Variants in HDAC5 observed in about 807,000 individuals in gnomAD.
The protein encoded by HDAC5 is antigen NY-CO-9.
In HDAC5, 25 loss-of-function variants were observed where a neutral mutation model predicts 133.3. The ratio of observed to expected loss-of-function variants is 0.19; its 90% CI spans 0.14 to 0.26. The LOEUF (loss-of-function observed/expected upper bound fraction) is 0.26, where lower values mean the gene tolerates loss of function less well. Among genes scored for constraint, HDAC5 ranks in the 10% least tolerant of loss-of-function variants. HDAC5 has a pLI of 1.00. For synonymous variants in HDAC5, 589 were observed against 610.8 expected, an observed-to-expected ratio of 0.96 and a Z score of 0.53; for missense variants, 1,041 against 1,460.5, an observed-to-expected ratio of 0.71 and a Z score of 4.68.
intron 3 of HDAC5, among the ~76,000 whole-genome samples, chr17:44,107,801 A>G (rs1346203994): frequency 6.6e-6 from 1 of 151,976 alleles, no homozygotes; most frequent in Non-Finnish European, 1.5e-5. Context: ...CTAAGACCAA[A>G]CCTGGACCCC....
intron 2 of HDAC5, 23 bp from the exon 3 acceptor site, chr17:44,110,823 C>G: frequency 6.2e-7 from 1 of 1,601,432 alleles, no homozygotes; most frequent in Non-Finnish European, 8.5e-7. Flanking sequence ...AGGATTCTGT[C>G]TCATAGATGG....
At chr17:44,115,308 C>A (rs1481614153) in intron 2 of HDAC5, among the ~76,000 whole-genome samples, 2 of 152,236 alleles carry the variant, frequency 1.3e-5, no homozygotes, top group Non-Finnish European at 2.9e-5. Flanking sequence ...CTGCAGCAGA[C>A]CCTGGGGACT....
rs869274112 is a variant in HDAC5, at chr17:44,100,578, CAAAAAAA to C, written c.95-6751_95-6745del. Among the ~76,000 whole-genome samples, 813 of 89,372 alleles carry C rather than the reference CAAAAAAA, an allele frequency of 9.1e-3. 13 individuals are homozygous for C. Among genetic ancestry groups the C allele is most frequent in the African/African-American group, 0.034 (722 of 20,930 alleles). The allele number at this position is 89,372 out of a possible 152,430, so 58.6% of individuals were successfully genotyped here. On this transcript the variant is annotated intron_variant, in intron 3 of 26. Coordinates refer to ENST00000682912, the MANE Select transcript of HDAC5 (RefSeq NM_005474.5). Reference sequence around the variant, plus strand: ...TGAAACCCCGTCTCTACTAAAGATACAAAAAAAAAAAAAAAAAAAAAAATTAGCTGGG... The same window carrying C: ...TGAAACCCCGTCTCTACTAAAGATACAAAAAAAAAAAAAAAATTAGCTGGG...
At position 44,092,735 on chromosome 17, in the gene HDAC5, T is replaced by C. The variant is rs776155100; in HGVS notation, c.713A>G (p.Tyr238Cys). ...GTAGGGCCCAGGCAAAGGCAGTTTG[T>C]AGGAGGGAGGCGTCCCAGGGGGGCC... is the stretch of plus-strand genomic sequence containing the variant. Reference protein sequence around the residue: ...QSGPPGTPPSYKLPLPGPYDS... With the variant: ...QSGPPGTPPSCKLPLPGPYDS... The change falls in exon 7 of 27, where the codon TAC (tyrosine) becomes TGC (cysteine). Residue 238 changes from tyrosine (Y) to cysteine (C), a missense_variant. Coordinates refer to ENST00000682912, the MANE Select transcript of HDAC5 (RefSeq NM_005474.5). The C allele has an allele frequency of 7.1e-7, 1 of 1,404,674 alleles. No individual in the cohort carries two copies. The highest frequency in any genetic ancestry group is 1.5e-5 in the South Asian group (1 of 65,682). 87.0% of individuals were successfully genotyped at this position (1,404,674 alleles called of 1,614,324 possible).
chr17:44,123,158 A>C, intron 1 of HDAC5: 1 of 198,626 alleles, frequency 5.0e-6, no homozygotes, highest in Non-Finnish European at 1.0e-5. Context: ...CTGCAACGCA[A>C]CATGCGCCGC....
chr17:44,095,350 A>T (rs535350762), intron 3 of HDAC5, among the ~76,000 whole-genome samples: 148 of 152,304 alleles, frequency 9.7e-4, no homozygotes, highest in African/African-American at 3.5e-3. Flanking sequence ...GCAAAGCCTC[A>T]TACTAGAAGA....
rs1387301729 is a variant in HDAC5 at position 44,084,615 on chromosome 17, T to C, written c.2245A>G (p.Thr749Ala). 6.2e-7 allele frequency: 1 copy of C among 1,613,922 alleles called. No homozygotes were observed. Among genetic ancestry groups the C allele is most frequent in the Admixed American group, 1.7e-5 (1 of 59,992 alleles). Residue 749 changes from threonine (T) to alanine (A), a missense_variant, in exon 16 of 27, where the codon ACC becomes GCC. By Grantham distance (58) the Thr-to-Ala change is moderately conservative. Coordinates refer to ENST00000682912, the MANE Select transcript of HDAC5 (RefSeq NM_005474.5). ...EIQTVHSEYH[T>A]LLYGTSPLNR... ...AGGGGACTGGTCCCATAGAGCAGGG[T>C]GTGGTATTCAGAGTGCACTGTCTGG...
At chr17:44,080,319 C>A in intron 22 of HDAC5, 82 bp downstream of exon 22, 1 of 1,550,442 alleles carries the variant, frequency 6.4e-7, no homozygotes, top group Non-Finnish European at 8.9e-7. Context: ...TCTACCCACA[C>A]TGAACTGAGT....
intron 20 of HDAC5, chr17:44,081,915 A>T (rs2050411516): frequency 2.0e-5 from 3 of 152,172 alleles, no homozygotes; most frequent in Admixed American, 1.3e-4. Flanking sequence ...AGGATCCAAC[A>T]TTTACATGAA....
intron 1 of HDAC5, among the ~76,000 whole-genome samples, chr17:44,120,836 TACC>T (rs1213367640): frequency 1.3e-5 from 2 of 151,602 alleles, no homozygotes; most frequent in Non-Finnish European, 2.9e-5. Flanking sequence ...GGCCACAGCC[TACC>T]ACTTTCCTCA....
intron 2 of HDAC5, among the ~76,000 whole-genome samples, chr17:44,114,719 C>T (rs1467274133): frequency 6.6e-6 from 1 of 152,208 alleles, no homozygotes; most frequent in East Asian, 1.9e-4. Flanking sequence ...CCTGGTTGGG[C>T]CGAGTCTGAG....
intron 14 of HDAC5, among the ~76,000 whole-genome samples, chr17:44,085,694 G>A (rs149839278): frequency 0.01 from 1,571 of 152,176 alleles, 21 homozygotes; most frequent in African/African-American, 0.035. Context: ...TAGAGACGGG[G>A]TTTTACCATG....
intron 3 of HDAC5, among the ~76,000 whole-genome samples, chr17:44,109,360 G>T (rs2052193752): frequency 6.6e-6 from 1 of 152,174 alleles, no homozygotes; most frequent in Admixed American, 6.5e-5. Context: ...CCTCATCCCA[G>T]GGACCTGTGT....
intron 2 of HDAC5, among the ~76,000 whole-genome samples, chr17:44,116,446 G>A (rs2052649721): frequency 6.6e-6 from 1 of 152,200 alleles, no homozygotes; most frequent in Admixed American, 6.5e-5. Context: ...AAAGGATGAT[G>A]GGGAAGAAAA....
chr17:44,111,657 C>T (rs753420034), intron 2 of HDAC5: 22 of 517,594 alleles, frequency 4.3e-5, no homozygotes, highest in African/African-American at 3.7e-4. Flanking sequence ...TCTAATAGCC[C>T]CATGGAGGTT....
In HDAC5 at chr17:44,091,346, G is replaced by T; in HGVS notation, c.1311C>A (p.Ser437Arg). Reference sequence around the variant, plus strand: ...GCAGCAGGGAGGCATGCCCGTGGGGGCTCCCGTCGCCCTCCAGTGCCACGC... The same window carrying T: ...GCAGCAGGGAGGCATGCCCGTGGGGTCTCCCGTCGCCCTCCAGTGCCACGC... ...LLGVALEGDGSPHGHASLLQH... is the reference protein window; with the variant it reads ...LLGVALEGDGRPHGHASLLQH... Residue 437 changes from serine to arginine, a missense_variant, in exon 11 of 27, where the codon AGC (serine) becomes AGA (arginine). Physicochemically the swap from Ser to Arg is moderately radical, Grantham distance 110 (BLOSUM62 -1). This residue lies in a region of HDAC5 where 433 missense variants were observed against 531.6 expected (regional missense o/e 0.81). Transcript: ENST00000682912. The T allele has an allele frequency of 6.2e-7, 1 of 1,605,490 alleles. No individual in the cohort carries two copies. Among genetic ancestry groups the T allele is most frequent in the Non-Finnish European group, 8.5e-7 (1 of 1,176,232 alleles).
At chr17:44,086,761 C>T in intron 13 of HDAC5, 24 bp from the exon 14 acceptor site, 1 of 1,284,274 alleles carries the variant, frequency 7.8e-7, no homozygotes, top group Non-Finnish European at 9.9e-7. Flanking sequence ...TGGGAGGGGG[C>T]CTGGGTCAGA....
In HDAC5 at chr17:44,078,394, C is replaced by T; in HGVS notation, c.3351G>A (p.Glu1117=). Residue 1117 remains glutamate, a synonymous_variant, in exon 27 of 27, where the codon GAG becomes GAA. Transcript: ENST00000682912. Reference sequence around the variant, plus strand: ...CGGGGCGTCACAGGGCAGGCTCCTGCTCCATGGGCTCCTCTGCCGGCCTGT... The same window carrying T: ...CGGGGCGTCACAGGGCAGGCTCCTGTTCCATGGGCTCCTCTGCCGGCCTGT... ...HSPRPAEEPM[E]QEPAL The T allele has an allele frequency of 6.5e-7, 1 of 1,527,266 alleles. No individual in the cohort carries two copies. Among genetic ancestry groups the T allele is most frequent in the Non-Finnish European group, 8.8e-7 (1 of 1,137,320 alleles). The allele number at this position is 1,527,266 out of a possible 1,614,324, so 94.6% of individuals were successfully genotyped here.
At chr17:44,079,342 G>A in intron 23 of HDAC5, 65 bp from the exon 24 acceptor site, 1 of 1,545,138 alleles carries the variant, frequency 6.5e-7, no homozygotes, top group African/African-American at 1.4e-5. Context: ...TCAAGAGCCA[G>A]TAAGAGGAGA....
Sources: allele counts gnomAD v4.1 joint callset (sites outside exome capture counted in the v4.1 genomes callset), GRCh38; gene constraint gnomAD v4.1.1; regional missense constraint gnomAD v4.1.1; transcripts MANE v1.5; gene names NCBI Gene and HGNC (gene_info 2026-07-23, HGNC 2026-07-21).